The following COL16A1 variants were observed in gnomAD, a reference collection of about 807,000 sequenced individuals.
COL16A1 encodes collagen type XVI alpha 1 chain, also known as collagen alpha-1(XVI) chain.
Under a neutral mutation model 266.3 loss-of-function variants are expected in COL16A1, and 189 were observed. That is an observed-to-expected ratio of 0.71 (90% CI 0.63 to 0.80). COL16A1 has a LOEUF of 0.80. COL16A1 is among the 30% of genes least tolerant of loss of function. COL16A1 has a pLI of 0.00. For missense variants in COL16A1, 1,928 were observed against 2,122.4 expected (o/e 0.91, Z 1.80); for synonymous variants, 740 against 782.3 (o/e 0.95, Z 0.90).
In COL16A1 at chr1:31,684,109, G is replaced by A. The variant is rs779467769; in HGVS notation, c.2283C>T (p.Pro761=). Residue 761 remains proline (P), a splice_region_variant and synonymous_variant, in exon 32 of 71, where the codon CCC becomes CCT. Transcript: ENST00000373672. ...GPEGVGRPGK[P]GQPGLPGVQG... is the part of the protein sequence containing the mutation. ...AAGGGCCGGAGGGCAGGCAACTCAC[G>A]GGTTTACCAGGTCGGCCCACGCCTT... 26 of 1,591,754 alleles carry A rather than the reference G, an allele frequency of 1.6e-5. No individual in the cohort carries two copies. Among genetic ancestry groups the A allele is most frequent in the South Asian group, 2.3e-5 (2 of 88,146 alleles).
rs975352395 is a variant in COL16A1 at position 31,685,002 on chromosome 1, G to A, written c.2017-146C>T. 8.0e-6 allele frequency: 12 copies of A among 1,504,038 alleles called. No homozygotes were observed. Among genetic ancestry groups the A allele is most frequent in the African/African-American group, 6.9e-5 (5 of 72,834 alleles). 93.2% of individuals were successfully genotyped at this position (1,504,038 alleles called of 1,614,324 possible). ...AGTGAAGCAATCTTGCCCAGGTGCA[G>A]AGCAAAGATTTGTGCCAGACTCTTT... On this transcript the variant is annotated intron_variant, in intron 29 of 70. Transcript: ENST00000373672. This position sits in a 1 kb window ranked among gnomAD's most constrained non-coding sequence, Gnocchi z 4.0.
chr1:31,672,636 C>T lies in COL16A1; in HGVS notation c.2978G>A (p.Cys993Tyr). The change falls in exon 46 of 71, where the codon TGC becomes TAC. Residue 993 changes from cysteine to tyrosine, a missense_variant and splice_region_variant. By Grantham distance (194) the Cys-to-Tyr change is radical. This residue lies in a region of COL16A1 where 1,552 missense variants were observed against 1,637.2 expected (regional missense o/e 0.95). Coordinates refer to ENST00000373672, the MANE Select transcript of COL16A1 (RefSeq NM_001856.4). ...GVPGLDNCAQ[C>Y]FLSLERPRAE... is the part of the protein sequence containing the mutation. ...TCTTGGGCGCTCCAGTGACAAAAAG[C>T]ACTGCAAGGGACAATGAGAGGCACA... 6.2e-7 allele frequency: 1 copy of T among 1,604,810 alleles called. No individual in the cohort carries two copies. The highest frequency in any genetic ancestry group is 1.1e-5 in the South Asian group (1 of 89,658).
chr1:31,669,051 C>T (rs1370062017), intron 49 of COL16A1, among the ~76,000 whole-genome samples, 196 bp from the exon 50 acceptor site: 1 of 152,060 alleles, frequency 6.6e-6, no homozygotes, highest in Admixed American at 6.6e-5. Context: ...GTGAACCCCA[C>T]ATATGGGTGC....
intron 63 of COL16A1, 99 bp downstream of exon 63, chr1:31,658,815 C>A (rs568179368): frequency 3.6e-6 from 5 of 1,393,290 alleles, no homozygotes; most frequent in East Asian, 2.5e-5. Flanking sequence ...GGGGATGAGA[C>A]AAACTGTTCT....
In COL16A1 at chr1:31,701,291, C is replaced by A. The variant is rs188259809; in HGVS notation, c.73+830G>T. Reference sequence around the variant, plus strand: ...TGTTGAAATTATCTGCCCCATCCCCCCCAGGGGACCCAGTGAGGGAGAGGA... The same window carrying A: ...TGTTGAAATTATCTGCCCCATCCCCACCAGGGGACCCAGTGAGGGAGAGGA... On this transcript the variant is annotated intron_variant, in intron 2 of 70. Transcript: ENST00000373672. 12 of 984,844 alleles carry A rather than the reference C, an allele frequency of 1.2e-5. No individual in the cohort carries two copies. The African/African-American group carries it at 1.2e-4, about 10-fold the overall frequency. 61.0% of individuals were successfully genotyped at this position (984,844 alleles called of 1,614,324 possible).
rs1308333197 is a variant in COL16A1 at position 31,656,419 on chromosome 1, T to C, written c.4082A>G (p.Tyr1361Cys). The C allele has an allele frequency of 4.3e-6, 7 of 1,613,396 alleles. No homozygotes were observed. In the South Asian group the frequency reaches 4.4e-5, roughly 10 times the overall value. Residue 1361 changes from tyrosine to cysteine, a missense_variant, in exon 66 of 71, where the codon TAT (tyrosine) becomes TGT (cysteine). Transcript: ENST00000373672. The surrounding 1 kb of genome is among the most constrained non-coding windows in gnomAD (Gnocchi z 4.2). ...ACTCACCTTGGGACCAGGAGGTCCA[T>C]AGAATCCCTGCTTTCCAGGGGGTCC... ...KEGPPGKQGF[Y>C]GPPGPKGDPG...
intron 42 of COL16A1, among the ~76,000 whole-genome samples, chr1:31,677,828 T>C (rs1259930031): frequency 3.3e-5 from 5 of 152,226 alleles, no homozygotes; most frequent in African/African-American, 1.2e-4. Flanking sequence ...AGGTAAGGAC[T>C]CTGGTGCCTG....
intron 68 of COL16A1, 73 bp from the exon 69 acceptor site, chr1:31,654,116 A>G (rs777006854): frequency 2.6e-6 from 4 of 1,539,830 alleles, no homozygotes; most frequent in Non-Finnish European, 3.5e-6. Context: ...CAGATGCTGC[A>G]TATAGGCCAC....
intron 37 of COL16A1, among the ~76,000 whole-genome samples, chr1:31,681,861 G>T (rs967568294): frequency 6.6e-6 from 1 of 152,366 alleles, no homozygotes; most frequent in East Asian, 1.9e-4. Context: ...AGGAACCCTG[G>T]CTGTCCAGCT....
intron 42 of COL16A1, chr1:31,679,366 G>A: frequency 6.7e-7 from 1 of 1,487,812 alleles, no homozygotes; most frequent in South Asian, 1.4e-5. Context: ...ACCAGGGTAA[G>A]GGATTTTTAT....
Position 31,690,581 on chromosome 1 carries a change from CA to C in COL16A1, c.1438-9del. 1 of 1,613,562 alleles carries C rather than the reference CA, an allele frequency of 6.2e-7. No homozygotes were observed. Among genetic ancestry groups the C allele is most frequent in the South Asian group, 1.1e-5 (1 of 91,036 alleles). On this transcript the variant is annotated splice_polypyrimidine_tract_variant and intron_variant, in intron 20 of 70. Transcript: ENST00000373672. Reference sequence around the variant, plus strand: ...TGGGATCCCCGAGCTGCCCTGTGGTCAGAAGAAAGGATAAGCGGGGAGCCTT... The same window carrying C: ...TGGGATCCCCGAGCTGCCCTGTGGTCGAAGAAAGGATAAGCGGGGAGCCTT...
intron 1 of COL16A1, among the ~76,000 whole-genome samples, chr1:31,703,269 A>T (rs1001682852): frequency 4.6e-5 from 7 of 152,080 alleles, no homozygotes; most frequent in African/African-American, 1.7e-4. Flanking sequence ...ATTCCTTCCA[A>T]CTCTAATGAA....
chr1:31,652,381 G>A lies in COL16A1; in HGVS notation c.*270C>T. 1 of 266,426 alleles carries A rather than the reference G, an allele frequency of 3.8e-6. No homozygotes were observed. Among genetic ancestry groups the A allele is most frequent in the Admixed American group, 5.1e-5 (1 of 19,716 alleles). 16.5% of individuals were successfully genotyped at this position (266,426 alleles called of 1,614,324 possible). On this transcript the variant is annotated 3_prime_UTR_variant, in exon 71 of 71. Coordinates refer to ENST00000373672, the MANE Select transcript of COL16A1 (RefSeq NM_001856.4). This position sits in a 1 kb window ranked among gnomAD's most constrained non-coding sequence, Gnocchi z 4.8. Reference sequence around the variant, plus strand: ...AGCCCCTTGAATAGCTAGGATTACAGGTATATGCCCCTGTACCCAAAATGC... The same window carrying A: ...AGCCCCTTGAATAGCTAGGATTACAAGTATATGCCCCTGTACCCAAAATGC...
rs1642599435 is a variant in COL16A1 at position 31,670,733 on chromosome 1, TG to T, written c.3151-88del. 8.7e-6 allele frequency: 10 copies of T among 1,154,910 alleles called. No individual in the cohort carries two copies. Among genetic ancestry groups the T allele is most frequent in the Non-Finnish European group, 1.2e-5 (10 of 866,576 alleles). The allele number at this position is 1,154,910 out of a possible 1,614,324, so 71.5% of individuals were successfully genotyped here. A position where few individuals can be genotyped will look rare whatever the true frequency, so the allele number is the denominator to read the frequency against. On this transcript the variant is annotated intron_variant, in intron 48 of 70. Coordinates refer to ENST00000373672, the MANE Select transcript of COL16A1 (RefSeq NM_001856.4). The surrounding 1 kb of genome is among the most constrained non-coding windows in gnomAD (Gnocchi z 4.5). ...GGCACAGTCTGGGGCTTGGGGGTCA[TG>T]GGGAGAGGAGGTCATGGGAGTATTT... is the stretch of plus-strand genomic sequence containing the variant.
At chr1:31,686,054 AC>A in intron 28 of COL16A1, 36 bp downstream of exon 28, 3 of 1,612,014 alleles carry the variant, frequency 1.9e-6, no homozygotes, top group Non-Finnish European at 2.5e-6. Context: ...TAGGAAGCTC[AC>A]CCAGGCTGCA....
chr1:31,692,410 T>C (rs1644312465), intron 16 of COL16A1, 64 bp downstream of exon 16: 1 of 1,562,372 alleles, frequency 6.4e-7, no homozygotes, highest in African/African-American at 1.4e-5. Flanking sequence ...GACTCCTCCT[T>C]CCTCATGGCT....
rs75187894 is a variant in COL16A1 at position 31,701,374 on chromosome 1, C to T, written c.73+747G>A. ...CATATGTGCACATACAAGGGGCAGGCGGCCACACTCACCCTGGGTCCACAA... is the reference window on the plus strand; with the variant it reads ...CATATGTGCACATACAAGGGGCAGGTGGCCACACTCACCCTGGGTCCACAA... On this transcript the variant is annotated intron_variant, in intron 2 of 70. Transcript: ENST00000373672. The T allele has an allele frequency of 9.7e-4, 955 of 985,362 alleles. 1 individual carries two copies. Among genetic ancestry groups the T allele is most frequent in the Non-Finnish European group, 1.1e-3 (885 of 829,912 alleles). 61.0% of individuals were successfully genotyped at this position (985,362 alleles called of 1,614,324 possible).
Position 31,664,132 on chromosome 1 carries a change from G to T in COL16A1, c.3555+1040C>A, listed in dbSNP as rs76756188. ...GACCAGCCTAAGGAGAGCAGGGGCT[G>T]CCACTCAGGTCCTGGGGAGGGGAAG... On this transcript the variant is annotated intron_variant, in intron 56 of 70. Coordinates refer to ENST00000373672, the MANE Select transcript of COL16A1 (RefSeq NM_001856.4). The surrounding 1 kb of genome is among the most constrained non-coding windows in gnomAD (Gnocchi z 5.5). 0.015 allele frequency among the ~76,000 whole-genome samples: 2,098 copies of T among 144,252 alleles called. 49 individuals are homozygous for T. Among genetic ancestry groups the T allele is most frequent in the African/African-American group, 0.049 (1,951 of 40,180 alleles). The allele number at this position is 144,252 out of a possible 152,430, so 94.6% of individuals were successfully genotyped here. A position where few individuals can be genotyped will look rare whatever the true frequency, so the allele number is the denominator to read the frequency against.
In COL16A1 at chr1:31,656,877, T is replaced by G. The variant is rs1395649515; in HGVS notation, c.4056+156A>C. The G allele has an allele frequency of 5.2e-6, 5 of 959,406 alleles. No homozygotes were observed. Among genetic ancestry groups the G allele is most frequent in the Non-Finnish European group, 6.2e-6 (4 of 644,540 alleles). 59.4% of individuals were successfully genotyped at this position (959,406 alleles called of 1,614,324 possible). A position where few individuals can be genotyped will look rare whatever the true frequency, so the allele number is the denominator to read the frequency against. ...TCTCACTCCCATCCTTGGCCTCAAG[T>G]CTCTAATTCCTCTCCCCAGGACAAC... On this transcript the variant is annotated intron_variant, in intron 65 of 70. Transcript: ENST00000373672. This position sits in a 1 kb window ranked among gnomAD's most constrained non-coding sequence, Gnocchi z 4.2.
Sources: allele counts gnomAD v4.1 joint callset (sites outside exome capture counted in the v4.1 genomes callset), GRCh38; gene constraint gnomAD v4.1.1; regional missense constraint gnomAD v4.1.1; non-coding constraint Gnocchi (gnomAD v3.1); transcripts MANE v1.5; gene names NCBI Gene and HGNC (gene_info 2026-07-23, HGNC 2026-07-21).